The following RNLS variants were observed in gnomAD, a reference collection of about 807,000 sequenced individuals.
The protein encoded by RNLS is renalase.
A neutral mutation model predicts 39.8 loss-of-function variants in RNLS; 39 were observed. The ratio of observed to expected loss-of-function variants is 0.98; its 90% CI spans 0.76 to 1.28. RNLS has a LOEUF of 1.28. Among genes scored for constraint, RNLS ranks in the 50% most tolerant of loss-of-function variants. RNLS has a pLI of 0.00. For missense variants in RNLS, 410 were observed against 413.3 expected (o/e 0.99, Z 0.07); for synonymous variants, 147 against 150.7 (o/e 0.98, Z 0.18).
chr10:88,379,430 GA>G (rs905851204), intron 4 of RNLS, among the ~76,000 whole-genome samples: 8 of 32,084 alleles, frequency 2.5e-4, no homozygotes, highest in African/African-American at 9.1e-4. Context: ...AATTTCAAAT[GA>G]TTTTTTTTTT....
At chr10:88,226,954 T>C in the RNLS span, among the ~76,000 whole-genome samples, 517 of 152,268 alleles carry the variant, frequency 3.4e-3, 2 homozygotes, top group African/African-American at 0.012. Context: ...GAATCCATAC[T>C]TTAAACCAGG....
chr10:88,268,060 TA>T, the RNLS span, among the ~76,000 whole-genome samples: 2 of 152,236 alleles, frequency 1.3e-5, no homozygotes, highest in African/African-American at 2.4e-5. Context: ...GGTTTTATTT[TA>T]CGCTTTTCAA....
chr10:88,414,028 C>G (rs922134201), intron 4 of RNLS, among the ~76,000 whole-genome samples: 4 of 152,084 alleles, frequency 2.6e-5, no homozygotes, highest in African/African-American at 4.8e-5. Context: ...AATATCATGT[C>G]ATTTTCTTAT....
chr10:88,501,412 A>G (rs1003528475), intron 4 of RNLS, among the ~76,000 whole-genome samples: 15 of 152,282 alleles, frequency 9.9e-5, no homozygotes, highest in African/African-American at 3.6e-4. Flanking sequence ...TTCCACAGCA[A>G]TGCAAAGAGT....
chr10:88,553,134 TATTTC>T (rs1848677578), intron 4 of RNLS, among the ~76,000 whole-genome samples: 2 of 152,244 alleles, frequency 1.3e-5, no homozygotes, highest in South Asian at 4.1e-4. Context: ...TGTGTTTATG[TATTTC>T]TTAAGCAATG....
At chr10:88,329,025 A>G (rs1846868374) in intron 5 of RNLS, among the ~76,000 whole-genome samples, 1 of 151,888 alleles carries the variant, frequency 6.6e-6, no homozygotes, top group Non-Finnish European at 1.5e-5. Context: ...TAAAGATATG[A>G]TACCAATGTA....
At chr10:88,343,617 T>C in intron 5 of RNLS, 1 of 985,334 alleles carries the variant, frequency 1.0e-6, no homozygotes, top group Non-Finnish European at 1.2e-6. Context: ...CTATTTTCCT[T>C]GTATTCGTTC....
chr10:88,488,764 C>T (rs183651227), intron 4 of RNLS, among the ~76,000 whole-genome samples: 15 of 152,060 alleles, frequency 9.9e-5, no homozygotes, highest in Non-Finnish European at 1.6e-4. Flanking sequence ...GAGTGTGCTA[C>T]GTTATTATGT....
At chr10:88,555,852 G>T (rs1457156248) in intron 4 of RNLS, among the ~76,000 whole-genome samples, 1 of 152,042 alleles carries the variant, frequency 6.6e-6, no homozygotes, top group East Asian at 1.9e-4. Flanking sequence ...TCTTTCTTGG[G>T]GTTCCTCTTA....
rs1287285241 is a variant in RNLS at position 88,527,494 on chromosome 10, T to C, written c.526+45409A>G. ...GGGGGAGGGGCTACCTTTTTCTAATTAGCATAAAGGCACCAACTGATAAAC... is the reference window on the plus strand; with the variant it reads ...GGGGGAGGGGCTACCTTTTTCTAATCAGCATAAAGGCACCAACTGATAAAC... On this transcript the variant is annotated intron_variant, in intron 4 of 6. Transcript: ENST00000331772. Among the ~76,000 whole-genome samples, 4 of 152,158 alleles carry C rather than the reference T, an allele frequency of 2.6e-5. No individual in the cohort carries two copies. The East Asian group carries it at 7.7e-4, about 29-fold the overall frequency.
At chr10:88,488,482 G>A (rs1013034501) in intron 4 of RNLS, among the ~76,000 whole-genome samples, 5 of 148,700 alleles carry the variant, frequency 3.4e-5, no homozygotes, top group Admixed American at 2.7e-4. Flanking sequence ...GGAGGCCAAG[G>A]TTGTGGTGAG....
intron 6 of RNLS, 41 bp from the exon 7 acceptor site, chr10:88,285,547 T>G (rs781006723): frequency 1.0e-5 from 16 of 1,574,996 alleles, no homozygotes; most frequent in Non-Finnish European, 1.3e-5. Context: ...CATTCTGTGC[T>G]CTATTGTGCT....
intron 4 of RNLS, among the ~76,000 whole-genome samples, chr10:88,524,463 T>C (rs1431965816): frequency 6.6e-6 from 1 of 152,142 alleles, no homozygotes; most frequent in African/African-American, 2.4e-5. Flanking sequence ...ACCATAGTCA[T>C]GCTACTAAAG....
intron 4 of RNLS, among the ~76,000 whole-genome samples, chr10:88,453,899 C>T (rs1842479868): frequency 6.6e-6 from 1 of 152,154 alleles, no homozygotes; most frequent in Non-Finnish European, 1.5e-5. Flanking sequence ...TCACTGTTTA[C>T]TATGACACAG....
At chr10:88,575,145 T>C (rs1182476723) in intron 3 of RNLS, among the ~76,000 whole-genome samples, 1 of 34,024 alleles carries the variant, frequency 2.9e-5, no homozygotes, top group African/African-American at 2.2e-4. Context: ...TATATATATA[T>C]ATATATATAT....
chr10:88,199,963 T>G, the RNLS span, among the ~76,000 whole-genome samples: 1 of 152,146 alleles, frequency 6.6e-6, no homozygotes, highest in African/African-American at 2.4e-5. Flanking sequence ...ACCCTGTTTC[T>G]GCAAAAAATA....
intron 4 of RNLS, among the ~76,000 whole-genome samples, chr10:88,425,607 T>C (rs942991662): frequency 6.6e-6 from 1 of 152,122 alleles, no homozygotes; most frequent in Non-Finnish European, 1.5e-5. Flanking sequence ...TAGTATGAGG[T>C]ACAGAAGTAT....
intron 4 of RNLS, among the ~76,000 whole-genome samples, chr10:88,440,062 T>C (rs1407718290): frequency 6.6e-6 from 1 of 152,226 alleles, no homozygotes; most frequent in Non-Finnish European, 1.5e-5. Flanking sequence ...AAGGGCTATA[T>C]CTTCATCTTC....
intron 5 of RNLS, among the ~76,000 whole-genome samples, chr10:88,318,990 G>T (rs1194817690): frequency 6.6e-6 from 1 of 152,220 alleles, no homozygotes; most frequent in African/African-American, 2.4e-5. Flanking sequence ...CTGGACTAGA[G>T]CTTGAACTCC....
Sources: allele counts gnomAD v4.1 joint callset (sites outside exome capture counted in the v4.1 genomes callset), GRCh38; gene constraint gnomAD v4.1.1; transcripts MANE v1.5; gene names NCBI Gene and HGNC (gene_info 2026-07-23, HGNC 2026-07-21).